Variants in HMCN2 observed in about 807,000 individuals in gnomAD.
The protein encoded by HMCN2 is hemicentin 2.
A neutral mutation model predicts 377.5 loss-of-function variants in HMCN2; 325 were observed. The observed-to-expected ratio is 0.86, with a 90% CI of 0.79 to 0.94. The LOEUF (loss-of-function observed/expected upper bound fraction) is 0.94. Ranked by LOEUF, HMCN2 falls within the 40% of genes least tolerant of loss-of-function variation. The pLI, the probability that HMCN2 is intolerant of heterozygous loss-of-function variation, is 0.00. For missense variants in HMCN2, 4,543 were observed against 4,725.3 expected (o/e 0.96, Z 1.13); for synonymous variants, 2,007 against 2,046.8 (o/e 0.98, Z 0.53).
Position 130,358,042 on chromosome 9 carries a change from T to C in HMCN2, c.5580+54T>C, listed in dbSNP as rs867933956. ...GCCAGCTGGGCACAGGTGGAGGGGC[T>C]GCTCTGGGGGCTTCCTGGAGACTCT... On this transcript the variant is annotated intron_variant, in intron 35 of 97. Coordinates refer to ENST00000683500, the MANE Select transcript of HMCN2 (RefSeq NM_001291815.2). The C allele has an allele frequency of 9.5e-6, 12 of 1,259,180 alleles. No homozygotes were observed. The Middle Eastern group carries it at 1.9e-3, about 201-fold the overall frequency. The allele number at this position is 1,259,180 out of a possible 1,614,324, so 78.0% of individuals were successfully genotyped here.
Position 130,349,203 on chromosome 9 carries a change from G to A in HMCN2, c.4303+72G>A, listed in dbSNP as rs116294488. ...TAGCCCCAACTCTTGCAGGCACACC[G>A]GGGGAGAGGGTAGACTTTGCCTGCG... On this transcript the variant is annotated intron_variant, in intron 28 of 97. Coordinates refer to ENST00000683500, the MANE Select transcript of HMCN2 (RefSeq NM_001291815.2). The A allele has an allele frequency of 6.0e-4, 756 of 1,253,944 alleles. 4 individuals are homozygous for A. In the African/African-American group the frequency reaches 9.7e-3, roughly 16 times the overall value. 77.7% of individuals were successfully genotyped at this position (1,253,944 alleles called of 1,614,324 possible).
chr9:130,295,340 T>C (rs1554931656), intron 5 of HMCN2, among the ~76,000 whole-genome samples: 1 of 152,044 alleles, frequency 6.6e-6, no homozygotes, highest in African/African-American at 2.4e-5. Flanking sequence ...ATTGTACAGA[T>C]GGGAAGCTGG....
intron 87 of HMCN2, among the ~76,000 whole-genome samples, chr9:130,424,213 C>G (rs7864921): frequency 0.16 from 24,044 of 146,902 alleles, 2,477 homozygotes; most frequent in East Asian, 0.41. Flanking sequence ...GAGTCTCGCT[C>G]TGTCACCCAG....
In HMCN2 at chr9:130,398,240, C is replaced by G. The variant is rs1189568230; in HGVS notation, c.11327-311C>G. Reference sequence around the variant, plus strand: ...GAATCAGATGCCCCAGTCTCCTCCCCCTCCAACAGATCAGCTTGTGAGAGG... The same window carrying G: ...GAATCAGATGCCCCAGTCTCCTCCCGCTCCAACAGATCAGCTTGTGAGAGG... On this transcript the variant is annotated intron_variant, in intron 74 of 97. Transcript: ENST00000683500. Among the ~76,000 whole-genome samples the G allele has an allele frequency of 2.6e-5, 4 of 152,130 alleles. No homozygotes were observed. In the South Asian group the frequency reaches 6.2e-4, roughly 24 times the overall value.
At chr9:130,343,118 G>A (rs1485966740) in intron 25 of HMCN2, among the ~76,000 whole-genome samples, 1 of 152,192 alleles carries the variant, frequency 6.6e-6, no homozygotes, top group Non-Finnish European at 1.5e-5. Flanking sequence ...GAGGGCTCAG[G>A]AAATGTGGTG....
At chr9:130,377,021 A>G (rs1010355048) in intron 52 of HMCN2, among the ~76,000 whole-genome samples, 5 of 151,468 alleles carry the variant, frequency 3.3e-5, no homozygotes, top group African/African-American at 1.2e-4. Flanking sequence ...TTGGTCTCGC[A>G]CTCCTGACCT....
At chr9:130,349,186 A>G (rs183947391) in intron 28 of HMCN2, 55 bp downstream of exon 28, 2 of 1,280,668 alleles carry the variant, frequency 1.6e-6, no homozygotes, top group African/African-American at 3.1e-5. Context: ...TGTAGCCCCA[A>G]CTCTTGCAGG....
chr9:130,353,137 GCGTCT>G lies in HMCN2; in HGVS notation c.4797_4801del (p.Val1600HisfsTer123), dbSNP rs1443071072. 1 of 1,304,164 alleles carries G rather than the reference GCGTCT, an allele frequency of 7.7e-7. No individual in the cohort carries two copies. Among genetic ancestry groups the G allele is most frequent in the Non-Finnish European group, 1.0e-6 (1 of 988,936 alleles). 80.8% of individuals were successfully genotyped at this position (1,304,164 alleles called of 1,614,324 possible). A position where few individuals can be genotyped will look rare whatever the true frequency, so the allele number is the denominator to read the frequency against. Reference sequence around the variant, plus strand: ...GGGAGGGCCCAGAGCTCCGATGCCGGCGTCTACACCTGCAAGGCCAGCAATGCTGT... The same window carrying G: ...GGGAGGGCCCAGAGCTCCGATGCCGGACACCTGCAAGGCCAGCAATGCTGT... On this transcript the variant is annotated frameshift_variant, in exon 31 of 98. Transcript: ENST00000683500. LOFTEE classifies it high-confidence loss of function.
In HMCN2 at chr9:130,368,327, G is replaced by A. The variant is rs1840809676; in HGVS notation, c.6677G>A (p.Gly2226Glu). Residue 2226 changes from glycine to glutamate, a missense_variant, in exon 44 of 98, where the codon GGG becomes GAG. Gly to Glu is a moderately conservative substitution (Grantham distance 98). Around this residue, in one of 5 missense-constraint regions of HMCN2, gnomAD observed 1,032 missense variants for 1,285.1 expected, o/e 0.80. Coordinates refer to ENST00000683500, the MANE Select transcript of HMCN2 (RefSeq NM_001291815.2). Reference sequence around the variant, plus strand: ...GGCCTCCAGCACGTGTCGGCTGTGGGGAGGCTGTTGTACCTGGGACAGGCC... The same window carrying A: ...GGCCTCCAGCACGTGTCGGCTGTGGAGAGGCTGTTGTACCTGGGACAGGCC... ...GAGLQHVSAV[G>E]RLLYLGQAQL... 8 of 985,778 alleles carry A rather than the reference G, an allele frequency of 8.1e-6. No individual in the cohort carries two copies. The highest frequency in any genetic ancestry group is 9.6e-6 in the Non-Finnish European group (8 of 829,922). The allele number at this position is 985,778 out of a possible 1,614,324, so 61.1% of individuals were successfully genotyped here. A position where few individuals can be genotyped will look rare whatever the true frequency, so the allele number is the denominator to read the frequency against.
chr9:130,419,240 C>T (rs948559143), intron 86 of HMCN2, 199 bp downstream of exon 86: 7 of 478,414 alleles, frequency 1.5e-5, no homozygotes, highest in Admixed American at 7.7e-5. Context: ...GTGCTGTTTG[C>T]TGCTCATCTT....
In HMCN2 at chr9:130,383,116, ACAG is replaced by A. The variant is rs58688184; in HGVS notation, c.8733+255_8733+257del. Among the ~76,000 whole-genome samples the A allele has an allele frequency of 9.1e-3, 1,384 of 152,292 alleles. 6 individuals are homozygous for A. Among genetic ancestry groups the A allele is most frequent in the Non-Finnish European group, 0.014 (960 of 68,002 alleles). ...CGGGACCCAGAGCCCAGCACCGCAC[ACAG>A]CAGCCTTCCGCGGGATCACCAGCTG... On this transcript the variant is annotated intron_variant, in intron 56 of 97. Transcript: ENST00000683500.
At position 130,308,348 on chromosome 9, in the gene HMCN2, T is replaced by C. The variant is rs549594504; in HGVS notation, c.2200+782T>C. On this transcript the variant is annotated intron_variant, in intron 14 of 97. Transcript: ENST00000683500. This position sits in a 1 kb window ranked among gnomAD's most constrained non-coding sequence, Gnocchi z 4.1. ...CGACGATAATGTGATTATCTGAAAATGACAGCAATAATGACAGGGTTGTCC... is the reference window on the plus strand; with the variant it reads ...CGACGATAATGTGATTATCTGAAAACGACAGCAATAATGACAGGGTTGTCC... 2.1e-4 allele frequency among the ~76,000 whole-genome samples: 32 copies of C among 152,312 alleles called. No homozygotes were observed. Among genetic ancestry groups the C allele is most frequent in the African/African-American group, 7.0e-4 (29 of 41,552 alleles).
intron 53 of HMCN2, among the ~76,000 whole-genome samples, chr9:130,378,590 G>A (rs966263274): frequency 5.4e-5 from 8 of 149,066 alleles, no homozygotes; most frequent in Admixed American, 3.3e-4. Context: ...ATGGGGAGGC[G>A]GGGAGGCGGG....
intron 1 of HMCN2, among the ~76,000 whole-genome samples, chr9:130,282,784 A>G (rs1372092423): frequency 6.6e-6 from 1 of 152,210 alleles, no homozygotes; most frequent in African/African-American, 2.4e-5. Flanking sequence ...ATTAGAGTTC[A>G]CTGAGGCTGG....
chr9:130,353,461 G>A (rs528579027), intron 31 of HMCN2, among the ~76,000 whole-genome samples: 1 of 152,346 alleles, frequency 6.6e-6, no homozygotes, highest in East Asian at 1.9e-4. Flanking sequence ...GTAGAATCCA[G>A]GTCTCCCCTC....
intron 85 of HMCN2, among the ~76,000 whole-genome samples, chr9:130,416,921 T>C (rs1843725725): frequency 6.6e-6 from 1 of 151,802 alleles, no homozygotes; most frequent in Non-Finnish European, 1.5e-5. Context: ...TTTATTTATT[T>C]ATTTATTTAG....
Position 130,392,027 on chromosome 9 carries a change from T to TC in HMCN2, c.10049dup (p.Pro3351AlafsTer74), listed in dbSNP as rs1371199802. 2 of 988,114 alleles carry TC rather than the reference T, an allele frequency of 2.0e-6. No homozygotes were observed. The highest frequency in any genetic ancestry group is 3.5e-5 in the African/African-American group (2 of 57,286). The allele number at this position is 988,114 out of a possible 1,614,324, so 61.2% of individuals were successfully genotyped here. On this transcript the variant is annotated frameshift_variant, in exon 66 of 98. Coordinates refer to ENST00000683500, the MANE Select transcript of HMCN2 (RefSeq NM_001291815.2). LOFTEE classifies it high-confidence loss of function. ...GACCATGGTGTGCCCTGTGCGGGGC[T>TC]CCCCGCCCATCCACGTGAGCTGGCT... is the stretch of plus-strand genomic sequence containing the variant.
chr9:130,386,733 C>T (rs115614408), intron 61 of HMCN2, among the ~76,000 whole-genome samples: 3,294 of 152,338 alleles, frequency 0.022, 124 homozygotes, highest in African/African-American at 0.075. Flanking sequence ...TGGTTTCGAA[C>T]CCCTGGGCTC....
At position 130,384,363 on chromosome 9, in the gene HMCN2, G is replaced by T; in HGVS notation, c.8831-10G>T. ...CATGCCTTTCTCTACCGTGGTGGCT[G>T]TGGGGATAGTCCCGCCACGAATCGC... On this transcript the variant is annotated splice_polypyrimidine_tract_variant and intron_variant, in intron 57 of 97. Coordinates refer to ENST00000683500, the MANE Select transcript of HMCN2 (RefSeq NM_001291815.2). The T allele has an allele frequency of 4.6e-6, 6 of 1,290,624 alleles. No homozygotes were observed. Among genetic ancestry groups the T allele is most frequent in the Non-Finnish European group, 6.1e-6 (6 of 980,478 alleles). 79.9% of individuals were successfully genotyped at this position (1,290,624 alleles called of 1,614,324 possible).
Sources: allele counts gnomAD v4.1 joint callset (sites outside exome capture counted in the v4.1 genomes callset), GRCh38; gene constraint gnomAD v4.1.1; regional missense constraint gnomAD v4.1.1; non-coding constraint Gnocchi (gnomAD v3.1); transcripts MANE v1.5; gene names NCBI Gene and HGNC (gene_info 2026-07-23, HGNC 2026-07-21).